VPS39: variants seen among roughly 807,000 people sequenced by gnomAD.
The protein encoded by VPS39 is vam6/Vps39-like protein.
In VPS39, 70 loss-of-function variants were observed where a neutral mutation model predicts 121.0. The ratio of observed to expected loss-of-function variants is 0.58; its 90% CI spans 0.48 to 0.71. VPS39 has a LOEUF of 0.71. VPS39 is among the 30% of genes least tolerant of loss of function. The pLI is 0.00. For missense variants in VPS39, 818 were observed against 1,051.5 expected (o/e 0.78, Z 3.07); for synonymous variants, 378 against 398.1 (o/e 0.95, Z 0.60).
intron 5 of VPS39, among the ~76,000 whole-genome samples, chr15:42,188,095 C>CCG (rs1334398975): frequency 1.3e-5 from 2 of 152,136 alleles, no homozygotes; most frequent in African/African-American, 4.8e-5. Flanking sequence ...CAGCAAATCA[C>CCG]ATGGACATTC....
intron 2 of VPS39, among the ~76,000 whole-genome samples, chr15:42,193,562 G>C (rs1330848730): frequency 6.8e-6 from 1 of 146,920 alleles, no homozygotes; most frequent in Non-Finnish European, 1.5e-5. Context: ...TTACTCATAC[G>C]TGATTTTAAA....
Position 42,162,347 on chromosome 15 carries a change from T to C in VPS39, c.2310A>G (p.Lys770=). The C allele has an allele frequency of 6.2e-7, 1 of 1,611,848 alleles. No individual in the cohort carries two copies. Among genetic ancestry groups the C allele is most frequent in the African/African-American group, 1.3e-5 (1 of 74,994 alleles). ...AACTCCTGACCTTGGTGGTGTCCAG[T>C]TTGCTGTGGTGTAGCTCGAGGACCT... ...ALQVLELHHS[K]LDTTKALNLL... Residue 770 remains lysine, a synonymous_variant, in exon 22 of 25, where the codon AAA becomes AAG. Transcript: ENST00000318006.
In VPS39 at chr15:42,177,383, G is replaced by C. The variant is rs528327376; in HGVS notation, c.960+835C>G. 3.9e-5 allele frequency among the ~76,000 whole-genome samples: 6 copies of C among 152,152 alleles called. No individual in the cohort carries two copies. In the South Asian group the frequency reaches 1.2e-3, roughly 32 times the overall value. On this transcript the variant is annotated intron_variant, in intron 10 of 24. Transcript: ENST00000318006. ...TGGAACAAGAGGTGGTCACTATTTT[G>C]CTGTGAACAAGATCCCTTGCAAACA...
intron 2 of VPS39, among the ~76,000 whole-genome samples, chr15:42,198,560 C>T (rs947067473): frequency 3.3e-5 from 5 of 152,112 alleles, no homozygotes; most frequent in East Asian, 1.9e-4. Flanking sequence ...AGGCTGGCCT[C>T]GAACTCCTGG....
rs778269686 is a variant in VPS39 at position 42,163,638 on chromosome 15, C to T, written c.2117G>A (p.Arg706Lys). 5.0e-6 allele frequency: 8 copies of T among 1,613,770 alleles called. No homozygotes were observed. The highest frequency in any genetic ancestry group is 5.9e-6 in the Non-Finnish European group (7 of 1,179,832). The change falls in exon 20 of 25, where the codon AGG (arginine) becomes AAG (lysine). Residue 706 changes from arginine to lysine, a missense_variant. Physicochemically the swap from Arg to Lys is conservative, Grantham distance 26. Coordinates refer to ENST00000318006, the MANE Select transcript of VPS39 (RefSeq NM_015289.5). ...FIYVHILKDT[R>K]MAEEYCHKHY... is the part of the protein sequence containing the mutation. ...GGGGCAAACTTACTCCTCAGCCATC[C>T]TTGTATCCTTCAAGATGTGGACATA...
At chr15:42,171,823 C>G (rs2049352739) in intron 11 of VPS39, among the ~76,000 whole-genome samples, 1 of 152,084 alleles carries the variant, frequency 6.6e-6, no homozygotes, top group South Asian at 2.1e-4. Flanking sequence ...TCTGCCTACT[C>G]TAGGTACTTC....
chr15:42,187,741 AG>A lies in VPS39; in HGVS notation c.441+16del. ...GCAGCTCCCACCCAACCATGGACCAAGGAACAGTGGACTTACCTGCAATTCA... is the reference window on the plus strand; with the variant it reads ...GCAGCTCCCACCCAACCATGGACCAAGAACAGTGGACTTACCTGCAATTCA... On this transcript the variant is annotated intron_variant, in intron 6 of 24. Transcript: ENST00000318006. 2 of 1,613,604 alleles carry A rather than the reference AG, an allele frequency of 1.2e-6. No individual in the cohort carries two copies. Among genetic ancestry groups the A allele is most frequent in the Non-Finnish European group, 1.7e-6 (2 of 1,179,498 alleles).
chr15:42,200,095 G>C, intron 1 of VPS39, 134 bp from the exon 2 acceptor site: 1 of 806,364 alleles, frequency 1.2e-6, no homozygotes, highest in Non-Finnish European at 1.8e-6. Context: ...AAAATGAGTT[G>C]CTTTTGATAG....
rs757460046 is a variant in VPS39, at chr15:42,178,633, C to T, written c.719-63G>A. 106 of 1,594,726 alleles carry T rather than the reference C, an allele frequency of 6.6e-5. 1 individual carries two copies. Among genetic ancestry groups the T allele is most frequent in the Non-Finnish European group, 9.0e-5 (105 of 1,166,472 alleles). On this transcript the variant is annotated intron_variant, in intron 8 of 24. Coordinates refer to ENST00000318006, the MANE Select transcript of VPS39 (RefSeq NM_015289.5). The stretch of plus-strand genomic sequence containing the variant: ...AAGGCTTTGGGTTTATGGAGTGTTT[C>T]AGCTGCCCATTCTAAGATACATTTA...
In VPS39 at chr15:42,163,549, T is replaced by G. The variant is rs1456771182; in HGVS notation, c.2129+77A>C. On this transcript the variant is annotated intron_variant, in intron 20 of 24. Coordinates refer to ENST00000318006, the MANE Select transcript of VPS39 (RefSeq NM_015289.5). ...GCTCCCGCAGTGGAGTATGGGGAGA[T>G]GGCCTTCTTAACTCTCATCTCTCTG... 7.2e-6 allele frequency: 11 copies of G among 1,524,016 alleles called. No homozygotes were observed. In the East Asian group the frequency reaches 2.5e-4, roughly 35 times the overall value. The allele number at this position is 1,524,016 out of a possible 1,614,324, so 94.4% of individuals were successfully genotyped here.
intron 2 of VPS39, among the ~76,000 whole-genome samples, chr15:42,195,416 G>T (rs576848126): frequency 6.6e-6 from 1 of 152,104 alleles, no homozygotes; most frequent in Non-Finnish European, 1.5e-5. Flanking sequence ...CACTACAAAA[G>T]ATACAAAAAT....
intron 11 of VPS39, among the ~76,000 whole-genome samples, chr15:42,172,545 C>G (rs633934): frequency 0.32 from 49,024 of 152,132 alleles, 12,415 homozygotes; most frequent in African/African-American, 0.69. Context: ...GGGGAGATTT[C>G]TTACGTAGCA....
chr15:42,174,240 C>G (rs576059245), intron 10 of VPS39, among the ~76,000 whole-genome samples: 1 of 151,610 alleles, frequency 6.6e-6, no homozygotes, highest in African/African-American at 2.4e-5. Context: ...GAGTGAGACT[C>G]CATCTCAAAA....
rs540797485 is a variant in VPS39, at chr15:42,160,642, TC to T, written c.*111del. 3 of 936,146 alleles carry T rather than the reference TC, an allele frequency of 3.2e-6. No homozygotes were observed. In the East Asian group the frequency reaches 7.2e-5, roughly 22 times the overall value. 58.0% of individuals were successfully genotyped at this position (936,146 alleles called of 1,614,324 possible). On this transcript the variant is annotated 3_prime_UTR_variant, in exon 25 of 25. Transcript: ENST00000318006. ...CCAGGGCACAAGATAGCCAGTAATG[TC>T]CAAATGGGGAGCCTTGTGGTGGTGG...
At chr15:42,196,551 A>G (rs1325992228) in intron 2 of VPS39, among the ~76,000 whole-genome samples, 1 of 152,254 alleles carries the variant, frequency 6.6e-6, no homozygotes, top group Non-Finnish European at 1.5e-5. Context: ...TATGCAGCCA[A>G]CAGACACATG....
chr15:42,191,245 A>T, intron 3 of VPS39, 78 bp from the exon 4 acceptor site: 1 of 1,534,464 alleles, frequency 6.5e-7, no homozygotes, highest in Admixed American at 1.7e-5. Flanking sequence ...TAACAGTAAT[A>T]AAAAGGGACC....
At position 42,187,806 on chromosome 15, in the gene VPS39, CTT is replaced by C. The variant is rs756816161; in HGVS notation, c.391_392del (p.Lys131GlufsTer14). ...EVLRMCVAVK[K>X]KLQLYFWKDR... ...CCTTCCAGAAATAGAGCTGCAGCTT[CTT>C]TTTTACTGCCACACACATCCGTAAC... On this transcript the variant is annotated frameshift_variant, in exon 6 of 25. Coordinates refer to ENST00000318006, the MANE Select transcript of VPS39 (RefSeq NM_015289.5). LOFTEE classifies it high-confidence loss of function. The C allele has an allele frequency of 6.2e-7, 1 of 1,614,162 alleles. No individual in the cohort carries two copies. The highest frequency in any genetic ancestry group is 8.5e-7 in the Non-Finnish European group (1 of 1,180,022).
rs760065264 is a variant in VPS39 at position 42,165,078 on chromosome 15, A to G, written c.1815T>C (p.Ser605=). 3 of 1,614,234 alleles carry G rather than the reference A, an allele frequency of 1.9e-6. No individual in the cohort carries two copies. In the Admixed American group the frequency reaches 5.0e-5, roughly 27 times the overall value. Residue 605 remains serine (S), a synonymous_variant, in exon 18 of 25, where the codon TCT becomes TCC. Coordinates refer to ENST00000318006, the MANE Select transcript of VPS39 (RefSeq NM_015289.5). ...GCTGGATCAGGCAGTTGTGGAACCG[A>G]GAGCCTGTCTCCTCCCAAACATGGA... is the stretch of plus-strand genomic sequence containing the variant. ...HIIHVWEETG[S]RFHNCLIQLY... is the part of the protein sequence containing the mutation.
At chr15:42,192,489 G>A (rs766481391) in intron 2 of VPS39, among the ~76,000 whole-genome samples, 1 of 152,162 alleles carries the variant, frequency 6.6e-6, no homozygotes, top group South Asian at 2.1e-4. Context: ...CAGGATGCTC[G>A]CACTGCTGAC....
Sources: gnomAD v4.1 joint callset for allele counts (sites outside exome capture counted in the v4.1 genomes callset) on GRCh38, gnomAD v4.1.1 for gene constraint, MANE v1.5 for transcripts, NCBI Gene and HGNC (gene_info 2026-07-23, HGNC 2026-07-21) for gene names.